TBC1D8: variants seen among roughly 807,000 people sequenced by gnomAD.
TBC1D8 encodes TBC1 domain family member 8, also known as BUB2-like protein 1.
In TBC1D8, 65 loss-of-function variants were observed where a neutral mutation model predicts 118.8. The observed-to-expected ratio is 0.55, with a 90% CI of 0.45 to 0.67. The LOEUF (loss-of-function observed/expected upper bound fraction) is 0.67. Among genes scored for constraint, TBC1D8 ranks in the 30% least tolerant of loss-of-function variants. The pLI is 0.00. For synonymous variants in TBC1D8, 566 were observed against 595.8 expected, an observed-to-expected ratio of 0.95 and a Z score of 0.73; for missense variants, 1,376 against 1,471.2, an observed-to-expected ratio of 0.94 and a Z score of 1.06.
intron 1 of TBC1D8, among the ~76,000 whole-genome samples, chr2:101,096,647 C>T (rs1676465460): frequency 6.6e-6 from 1 of 151,908 alleles, no homozygotes; most frequent in Non-Finnish European, 1.5e-5. Context: ...AATAAGAAAT[C>T]CTAGACGTGA....
chr2:101,022,652 T>A, intron 15 of TBC1D8, 131 bp from the exon 16 acceptor site: 1 of 1,332,964 alleles, frequency 7.5e-7, no homozygotes, highest in Non-Finnish European at 9.8e-7. Flanking sequence ...TGTTCCCTTG[T>A]TACCCTGACA....
At chr2:101,068,274 G>A (rs958116380) in intron 2 of TBC1D8, 2 of 177,714 alleles carry the variant, frequency 1.1e-5, no homozygotes, top group Non-Finnish European at 2.3e-5. Context: ...GGCAAATCCT[G>A]ACTATGACCT....
intron 14 of TBC1D8, among the ~76,000 whole-genome samples, 171 bp from the exon 15 acceptor site, chr2:101,027,622 G>A (rs769346377): frequency 6.6e-6 from 1 of 152,150 alleles, no homozygotes; most frequent in Non-Finnish European, 1.5e-5. Flanking sequence ...TCTTTCCCAG[G>A]TGTTTCATCC....
chr2:101,106,395 C>G (rs997643272), intron 1 of TBC1D8, among the ~76,000 whole-genome samples: 1 of 152,178 alleles, frequency 6.6e-6, no homozygotes, highest in African/African-American at 2.4e-5. Flanking sequence ...TCAGGGACCC[C>G]TGGATTTAAT....
intron 2 of TBC1D8, among the ~76,000 whole-genome samples, chr2:101,061,380 G>T (rs1235751346): frequency 6.6e-6 from 1 of 152,098 alleles, no homozygotes; most frequent in Non-Finnish European, 1.5e-5. Flanking sequence ...TCTGTAGTAG[G>T]ACTGTTGTTC....
chr2:101,036,312 C>T (rs914512669), intron 8 of TBC1D8, 144 bp from the exon 9 acceptor site: 31 of 901,750 alleles, frequency 3.4e-5, no homozygotes, highest in African/African-American at 1.3e-4. Context: ...GTATTCAAGC[C>T]GCAAATATTT....
intron 5 of TBC1D8, among the ~76,000 whole-genome samples, chr2:101,046,473 C>G (rs963330402): frequency 6.6e-6 from 1 of 152,160 alleles, no homozygotes; most frequent in African/African-American, 2.4e-5. Context: ...AGCTTGGGGA[C>G]TGGGGTTGTG....
At chr2:101,055,308 G>A (rs1001928805) in intron 3 of TBC1D8, among the ~76,000 whole-genome samples, 7 of 151,558 alleles carry the variant, frequency 4.6e-5, no homozygotes, top group African/African-American at 1.7e-4. Context: ...AGAATCGCTT[G>A]AACCCCGGAG....
chr2:101,151,196 G>A lies in TBC1D8; in HGVS notation c.58C>T (p.Gln20Ter). ...AGGATGAAGTAGCAGCTGCTCTTCT[G>A]GGTCACCCAGAGCTTCAGCGCGTTC... Reference protein sequence around the residue: ...LKNALKLWVTQKSSCYFILQR... With the variant: ...LKNALKLWVT The change falls in exon 1 of 20, where the codon CAG (glutamine) becomes TAG (stop). Residue 20 changes from glutamine (Q) to a stop codon, truncating the protein, a stop_gained. Coordinates refer to ENST00000409318, the MANE Select transcript of TBC1D8 (RefSeq NM_001330348.2). LOFTEE classifies it high-confidence loss of function. The A allele has an allele frequency of 7.9e-7, 1 of 1,261,666 alleles. No homozygotes were observed. 78.2% of individuals were successfully genotyped at this position (1,261,666 alleles called of 1,614,324 possible). A position where few individuals can be genotyped will look rare whatever the true frequency, so the allele number is the denominator to read the frequency against.
chr2:101,063,956 G>A (rs866196648), intron 2 of TBC1D8, among the ~76,000 whole-genome samples: 30 of 152,152 alleles, frequency 2.0e-4, no homozygotes, highest in African/African-American at 6.7e-4. Context: ...ACAAGAAAGT[G>A]AGAATGTGTC....
chr2:101,108,831 T>C (rs929937430), intron 1 of TBC1D8, among the ~76,000 whole-genome samples: 1 of 149,434 alleles, frequency 6.7e-6, no homozygotes, highest in Non-Finnish European at 1.5e-5. Context: ...GGACCTAACA[T>C]TCACAGGATG....
In TBC1D8 at chr2:101,121,594, C is replaced by G. The variant is rs562195110; in HGVS notation, c.127+29533G>C. Reference sequence around the variant, plus strand: ...CTCTGAGGTCTCATTTGTAAGGGCGCTAGTCCCATCTTAAGTGCTCCACCT... The same window carrying G: ...CTCTGAGGTCTCATTTGTAAGGGCGGTAGTCCCATCTTAAGTGCTCCACCT... On this transcript the variant is annotated intron_variant, in intron 1 of 19. Coordinates refer to ENST00000409318, the MANE Select transcript of TBC1D8 (RefSeq NM_001330348.2). 4.5e-4 allele frequency among the ~76,000 whole-genome samples: 68 copies of G among 152,366 alleles called. 2 individuals carry two copies. In the South Asian group the frequency reaches 0.014, roughly 31 times the overall value.
intron 2 of TBC1D8, among the ~76,000 whole-genome samples, chr2:101,076,767 C>T (rs1435639923): frequency 6.6e-6 from 1 of 152,236 alleles, no homozygotes; most frequent in Non-Finnish European, 1.5e-5. Context: ...CTTTAACCTT[C>T]AAACTGCCCT....
intron 1 of TBC1D8, among the ~76,000 whole-genome samples, chr2:101,133,159 CAAA>C (rs34693587): frequency 9.0e-5 from 8 of 88,402 alleles, no homozygotes; most frequent in Admixed American, 2.2e-4. Context: ...GACTCCATCT[CAAA>C]AAAAAAAAAA....
chr2:101,150,588 G>C (rs963954776), intron 1 of TBC1D8, among the ~76,000 whole-genome samples: 4 of 152,362 alleles, frequency 2.6e-5, no homozygotes, highest in African/African-American at 9.6e-5. Context: ...TCACGAGCTT[G>C]GGATTCGCCC....
intron 17 of TBC1D8, among the ~76,000 whole-genome samples, chr2:101,020,072 C>CAAAAAAAAAAAA (rs200778679): frequency 1.1e-5 from 1 of 90,952 alleles, no homozygotes; most frequent in African/African-American, 5.2e-5. Flanking sequence ...AACTCCGTCT[C>CAAAAAAAAAAAA]AAAAAAAAAA....
chr2:101,127,640 C>T (rs1037013017), intron 1 of TBC1D8, among the ~76,000 whole-genome samples: 6 of 152,124 alleles, frequency 3.9e-5, no homozygotes, highest in African/African-American at 1.4e-4. Context: ...TGGGCTCAAC[C>T]GATCCTCCCA....
At chr2:101,139,574 C>T (rs1679011398) in intron 1 of TBC1D8, among the ~76,000 whole-genome samples, 1 of 152,130 alleles carries the variant, frequency 6.6e-6, no homozygotes, top group Non-Finnish European at 1.5e-5. Context: ...GCCCTCCTGC[C>T]CCTTGCCCAT....
intron 1 of TBC1D8, among the ~76,000 whole-genome samples, chr2:101,133,279 T>C (rs1203835950): frequency 6.6e-6 from 1 of 152,070 alleles, no homozygotes; most frequent in African/African-American, 2.4e-5. Flanking sequence ...ATTAATCACA[T>C]AGCATATTAG....
Sources: gnomAD v4.1 joint callset for allele counts (sites outside exome capture counted in the v4.1 genomes callset) on GRCh38, gnomAD v4.1.1 for gene constraint, MANE v1.5 for transcripts, NCBI Gene and HGNC (gene_info 2026-07-23, HGNC 2026-07-21) for gene names.